Variants in CPNE8 observed in about 807,000 individuals in gnomAD.
The protein encoded by CPNE8 is copine 8, also known as copine-8.
A neutral mutation model predicts 81.5 loss-of-function variants in CPNE8; 45 were observed. The ratio of observed to expected loss-of-function variants is 0.55; its 90% CI spans 0.44 to 0.71. The LOEUF is 0.71. Among genes scored for constraint, CPNE8 ranks in the 30% least tolerant of loss-of-function variants. The probability of loss-of-function intolerance (pLI) is 0.00; values close to 1 mark genes in which losing one functional copy is unlikely to be tolerated. For synonymous variants in CPNE8, 252 were observed against 226.3 expected (o/e 1.11, Z -1.02); for missense variants, 594 against 672.1 (o/e 0.88, Z 1.28).
At chr12:38,691,149 AG>A (rs1418946234) in intron 15 of CPNE8, among the ~76,000 whole-genome samples, 11 of 152,214 alleles carry the variant, frequency 7.2e-5, no homozygotes, top group South Asian at 6.2e-4. Context: ...TGCATCCAAG[AG>A]GTGAGATTAC....
intron 13 of CPNE8, among the ~76,000 whole-genome samples, chr12:38,703,584 A>G (rs1940009440): frequency 6.6e-6 from 1 of 152,184 alleles, no homozygotes; most frequent in African/African-American, 2.4e-5. Flanking sequence ...CCTATTCCAC[A>G]TAGTATTGGA....
intron 7 of CPNE8, among the ~76,000 whole-genome samples, chr12:38,773,542 A>G (rs1941855191): frequency 2.6e-5 from 4 of 152,142 alleles, no homozygotes; most frequent in Admixed American, 2.6e-4. Context: ...AGCTTCAACA[A>G]TATAACCTCA....
chr12:38,795,247 C>T (rs750485322), intron 6 of CPNE8, among the ~76,000 whole-genome samples: 28 of 152,164 alleles, frequency 1.8e-4, no homozygotes, highest in Non-Finnish European at 2.8e-4. Flanking sequence ...CCATAATAAA[C>T]TTCCTTTCAT....
In CPNE8 at chr12:38,782,812, C is replaced by G. The variant is rs76831219; in HGVS notation, c.408-6511G>C. ...CTTCCCATCTCAGCCTTCCAAGTAG[C>G]TAGGAATACACATATGTGCCACCAT... On this transcript the variant is annotated intron_variant, in intron 6 of 19. Coordinates refer to ENST00000331366, the MANE Select transcript of CPNE8 (RefSeq NM_153634.3). Among the ~76,000 whole-genome samples the G allele has an allele frequency of 1.6e-3, 249 of 152,000 alleles. 1 individual carries two copies. In the East Asian group the frequency reaches 0.031, roughly 19 times the overall value.
chr12:38,741,022 A>C (rs1238599084), intron 10 of CPNE8, among the ~76,000 whole-genome samples: 1 of 152,128 alleles, frequency 6.6e-6, no homozygotes, highest in Non-Finnish European at 1.5e-5. Flanking sequence ...CTGCTCAATG[A>C]AGTAAAAGAG....
intron 10 of CPNE8, among the ~76,000 whole-genome samples, chr12:38,738,807 TTTTTTTTTTTTC>T (rs1008492735): frequency 0.023 from 454 of 19,520 alleles, 1 homozygote; most frequent in Middle Eastern, 0.12. Context: ...TTTTCTTTTC[TTTTTTTTTTTTC>T]TTTTTTTTTT....
At chr12:38,668,886 A>G (rs1321340372) in intron 19 of CPNE8, among the ~76,000 whole-genome samples, 2 of 151,764 alleles carry the variant, frequency 1.3e-5, no homozygotes, top group Admixed American at 6.6e-5. Context: ...CATCTCTACT[A>G]AAAAAATACA....
chr12:38,838,441 C>T (rs985966737), intron 5 of CPNE8, among the ~76,000 whole-genome samples: 11 of 152,168 alleles, frequency 7.2e-5, no homozygotes, highest in Non-Finnish European at 1.5e-4. Context: ...TTATGACATG[C>T]TCATAATCCC....
At chr12:38,685,674 T>A (rs1939517343) in intron 15 of CPNE8, 57 bp from the exon 16 acceptor site, 2 of 1,556,786 alleles carry the variant, frequency 1.3e-6, no homozygotes, top group Non-Finnish European at 1.8e-6. Context: ...TAAATCTCCA[T>A]GAAGATCAAT....
At chr12:38,748,394 ATAAC>A (rs1416407533) in intron 10 of CPNE8, among the ~76,000 whole-genome samples, 1 of 152,222 alleles carries the variant, frequency 6.6e-6, no homozygotes, top group Non-Finnish European at 1.5e-5. Context: ...TCTATCATAA[ATAAC>A]TGAGTTGAAC....
intron 10 of CPNE8, among the ~76,000 whole-genome samples, chr12:38,736,019 C>T (rs1940944671): frequency 6.6e-6 from 1 of 151,726 alleles, no homozygotes; most frequent in Non-Finnish European, 1.5e-5. Flanking sequence ...TACAATAGTA[C>T]TCTGGGCCTC....
chr12:38,722,274 CT>C (rs918611932), intron 13 of CPNE8, among the ~76,000 whole-genome samples: 3 of 152,030 alleles, frequency 2.0e-5, no homozygotes, highest in African/African-American at 7.3e-5. Context: ...AGTTGGCAAA[CT>C]TTTTTTTCTA....
In CPNE8 at chr12:38,702,865, A is replaced by G. The variant is rs1278856749; in HGVS notation, c.961+10T>C. On this transcript the variant is annotated intron_variant, in intron 14 of 19. Transcript: ENST00000331366. ...GATGATTTTTATCAGGGGATAATCA[A>G]AACACTCACCGTTTGATGCTGTAAA... 2 of 1,519,240 alleles carry G rather than the reference A, an allele frequency of 1.3e-6. No homozygotes were observed. The highest frequency in any genetic ancestry group is 1.8e-6 in the Non-Finnish European group (2 of 1,122,578). 94.1% of individuals were successfully genotyped at this position (1,519,240 alleles called of 1,614,324 possible).
intron 10 of CPNE8, among the ~76,000 whole-genome samples, chr12:38,756,186 A>G (rs2136836741): frequency 6.6e-6 from 1 of 152,288 alleles, no homozygotes; most frequent in Admixed American, 6.5e-5. Flanking sequence ...TTCTTATAGA[A>G]TTAATTTCAG....
intron 17 of CPNE8, 92 bp downstream of exon 17, chr12:38,677,360 A>G (rs1288740139): frequency 4.2e-6 from 3 of 721,666 alleles, no homozygotes; most frequent in Non-Finnish European, 7.4e-6. Context: ...TGGTGATTTT[A>G]TTTTATTGTT....
At chr12:38,904,665 C>T (rs1177627025) in intron 1 of CPNE8, among the ~76,000 whole-genome samples, 1 of 151,992 alleles carries the variant, frequency 6.6e-6, no homozygotes, top group African/African-American at 2.4e-5. Context: ...GACGGAGTTT[C>T]ACCATATTGG....
chr12:38,678,711 A>G (rs1051133631), intron 16 of CPNE8, among the ~76,000 whole-genome samples: 4 of 151,966 alleles, frequency 2.6e-5, no homozygotes, highest in African/African-American at 9.7e-5. Flanking sequence ...CCCATGGACT[A>G]TAGATAATAA....
intron 3 of CPNE8, among the ~76,000 whole-genome samples, chr12:38,850,264 A>C (rs2137060297): frequency 6.6e-6 from 1 of 152,286 alleles, no homozygotes; most frequent in South Asian, 2.1e-4. Flanking sequence ...CAACACTCTC[A>C]AAGAGAGGCT....
chr12:38,839,776 C>A (rs1316357996), intron 5 of CPNE8, 140 bp downstream of exon 5: 22 of 792,560 alleles, frequency 2.8e-5, no homozygotes, highest in Non-Finnish European at 3.9e-5. Context: ...TTCTGGGGTT[C>A]TTTTAAAATG....
Sources: allele counts gnomAD v4.1 joint callset (sites outside exome capture counted in the v4.1 genomes callset), GRCh38; gene constraint gnomAD v4.1.1; transcripts MANE v1.5; gene names NCBI Gene and HGNC (gene_info 2026-07-23, HGNC 2026-07-21).